ME1: variants seen among roughly 807,000 people sequenced by gnomAD.
ME1 encodes NADP-dependent malic enzyme.
Under a neutral mutation model 66.4 loss-of-function variants are expected in ME1, and 74 were observed. The observed-to-expected ratio is 1.11, with a 90% CI of 0.92 to 1.35. ME1 has a LOEUF of 1.35. Among genes scored for constraint, ME1 ranks in the 40% most tolerant of loss-of-function variants. The pLI, the probability that ME1 is intolerant of heterozygous loss-of-function variation, is 0.00. For missense variants in ME1, 750 were observed against 694.1 expected (o/e 1.08, Z -0.90); for synonymous variants, 251 against 235.6 (o/e 1.07, Z -0.60).
intron 3 of ME1, among the ~76,000 whole-genome samples, chr6:83,366,822 ACTT>A (rs1474406803): frequency 6.6e-6 from 1 of 152,120 alleles, no homozygotes; most frequent in African/African-American, 2.4e-5. Context: ...GATTAAATCA[ACTT>A]CTTCCAAACT....
At chr6:83,329,752 G>C (rs1266439538) in intron 5 of ME1, among the ~76,000 whole-genome samples, 2 of 151,734 alleles carry the variant, frequency 1.3e-5, no homozygotes, top group African/African-American at 4.8e-5. Flanking sequence ...TATGTCCTTA[G>C]GCAATTTGTA....
intron 5 of ME1, among the ~76,000 whole-genome samples, chr6:83,342,230 C>CGGCT (rs1487546029): frequency 1.3e-5 from 2 of 152,160 alleles, no homozygotes; most frequent in Non-Finnish European, 2.9e-5. Context: ...GGTCCTTGAG[C>CGGCT]GGCTGCTCAG....
intron 1 of ME1, among the ~76,000 whole-genome samples, chr6:83,428,255 A>G (rs1479356580): frequency 6.6e-6 from 1 of 152,216 alleles, no homozygotes; most frequent in African/African-American, 2.4e-5. Flanking sequence ...AACGAATAAG[A>G]TAAATTTGGA....
intron 6 of ME1, among the ~76,000 whole-genome samples, chr6:83,297,644 T>C (rs1394561356): frequency 2.0e-5 from 3 of 152,122 alleles, no homozygotes; most frequent in Admixed American, 6.5e-5. Flanking sequence ...GTTTGTTACA[T>C]AGGTAAACGT....
At chr6:83,284,604 G>A (rs769805370) in intron 6 of ME1, among the ~76,000 whole-genome samples, 40 of 151,900 alleles carry the variant, frequency 2.6e-4, no homozygotes, top group Non-Finnish European at 5.3e-4. Flanking sequence ...AAAAACCATA[G>A]GATCATCTCA....
intron 1 of ME1, among the ~76,000 whole-genome samples, chr6:83,428,507 C>T (rs991083249): frequency 6.6e-6 from 1 of 152,148 alleles, no homozygotes; most frequent in African/African-American, 2.4e-5. Flanking sequence ...AGACATGTGA[C>T]AGGCTGGGTT....
At chr6:83,392,759 G>A (rs958013402) in intron 3 of ME1, 55 of 663,788 alleles carry the variant, frequency 8.3e-5, no homozygotes, top group Non-Finnish European at 1.3e-4. Context: ...TTGGAGGGAG[G>A]AGCCAAAACG....
chr6:83,268,763 T>C lies in ME1; in HGVS notation c.705-15025A>G, dbSNP rs182601292. On this transcript the variant is annotated intron_variant, in intron 6 of 13. Transcript: ENST00000369705. The stretch of plus-strand genomic sequence containing the variant: ...TTATTATTATTATTATTATTATTAT[T>C]GTATTTTTGGTAGAGATGGGGTTTC... Among the ~76,000 whole-genome samples, 23 of 150,250 alleles carry C rather than the reference T, an allele frequency of 1.5e-4. No individual in the cohort carries two copies. The East Asian group carries it at 4.5e-3, about 29-fold the overall frequency.
chr6:83,279,925 ACTC>A (rs1167188315), intron 6 of ME1, among the ~76,000 whole-genome samples: 2 of 152,148 alleles, frequency 1.3e-5, no homozygotes, highest in Non-Finnish European at 2.9e-5. Flanking sequence ...ATTACATGAA[ACTC>A]CTCCTCAGAA....
In ME1 at chr6:83,237,227, AAAAGAAAGAAAG is replaced by A. The variant is rs71545852; in HGVS notation, c.1026+478_1026+489del. ...GAGAGAGAGAGAGAGACAGAGAGAG[AAAAGAAAGAAAG>A]AAAGAAAGAAAGAAAGAAAGAAAGA... On this transcript the variant is annotated intron_variant, in intron 9 of 13. Coordinates refer to ENST00000369705, the MANE Select transcript of ME1 (RefSeq NM_002395.6). Among the ~76,000 whole-genome samples, 139 of 69,030 alleles carry A rather than the reference AAAAGAAAGAAAG, an allele frequency of 2.0e-3. 4 individuals carry two copies. Among genetic ancestry groups the A allele is most frequent in the Middle Eastern group, 0.014 (2 of 148 alleles). 45.3% of individuals were successfully genotyped at this position (69,030 alleles called of 152,430 possible). A position where few individuals can be genotyped will look rare whatever the true frequency, so the allele number is the denominator to read the frequency against.
At chr6:83,294,500 C>A (rs147600751) in intron 6 of ME1, among the ~76,000 whole-genome samples, 1 of 152,096 alleles carries the variant, frequency 6.6e-6, no homozygotes, top group Non-Finnish European at 1.5e-5. Flanking sequence ...TGCTCCCCAA[C>A]AAGCAGAGCC....
At chr6:83,325,253 A>G (rs189798994) in intron 5 of ME1, among the ~76,000 whole-genome samples, 2 of 152,336 alleles carry the variant, frequency 1.3e-5, no homozygotes, top group East Asian at 3.9e-4. Context: ...CCCACAGCCA[A>G]TATCATACTG....
intron 3 of ME1, among the ~76,000 whole-genome samples, chr6:83,387,277 T>C (rs1203932397): frequency 6.6e-6 from 1 of 152,196 alleles, no homozygotes; most frequent in Non-Finnish European, 1.5e-5. Context: ...TTTCATTATA[T>C]TAACCTCTCC....
At chr6:83,393,723 A>G (rs919577917) in intron 3 of ME1, among the ~76,000 whole-genome samples, 4 of 152,226 alleles carry the variant, frequency 2.6e-5, no homozygotes, top group African/African-American at 9.6e-5. Context: ...TCTCAGAAAC[A>G]AAATTTCAAT....
At chr6:83,232,819 CT>C (rs983891490) in intron 9 of ME1, among the ~76,000 whole-genome samples, 6 of 152,060 alleles carry the variant, frequency 3.9e-5, no homozygotes, top group African/African-American at 1.4e-4. Flanking sequence ...TCAAAACTAC[CT>C]TTATAACATA....
At chr6:83,324,716 C>CAAA (rs55866196) in intron 5 of ME1, among the ~76,000 whole-genome samples, 804 of 49,318 alleles carry the variant, frequency 0.016, 66 homozygotes, top group African/African-American at 0.05. Flanking sequence ...GCCTACCAAC[C>CAAA]AAAAAAAAAA....
At chr6:83,295,338 G>A (rs1767578147) in intron 6 of ME1, among the ~76,000 whole-genome samples, 1 of 152,184 alleles carries the variant, frequency 6.6e-6, no homozygotes, top group Non-Finnish European at 1.5e-5. Context: ...GCAAGAACTT[G>A]AGCAACTCAA....
chr6:83,361,991 G>T (rs1769014613), intron 3 of ME1, among the ~76,000 whole-genome samples: 2 of 152,190 alleles, frequency 1.3e-5, no homozygotes, highest in South Asian at 2.1e-4. Context: ...CCTATGATCA[G>T]CTGACAAAGG....
At chr6:83,292,419 T>C (rs1767520605) in intron 6 of ME1, among the ~76,000 whole-genome samples, 1 of 152,214 alleles carries the variant, frequency 6.6e-6, no homozygotes, top group Admixed American at 6.5e-5. Flanking sequence ...GTCCCCTCCA[T>C]ACCCTGTTTG....
Sources: gnomAD v4.1 joint callset for allele counts (sites outside exome capture counted in the v4.1 genomes callset) on GRCh38, gnomAD v4.1.1 for gene constraint, MANE v1.5 for transcripts, NCBI Gene and HGNC (gene_info 2026-07-23, HGNC 2026-07-21) for gene names.